MYO16: variants seen among roughly 807,000 people sequenced by gnomAD.
MYO16 encodes the protein unconventional myosin-XVI.
In MYO16, 94 loss-of-function variants were observed where a neutral mutation model predicts 205.3. The ratio of observed to expected loss-of-function variants is 0.46; its 90% confidence interval spans 0.39 to 0.54. The LOEUF is 0.54. Among genes scored for constraint, MYO16 ranks in the 20% least tolerant of loss-of-function variants. The pLI is 0.00. For missense variants in MYO16, 2,315 were observed against 2,387.5 expected (o/e 0.97, Z 0.63); for synonymous variants, 988 against 954.0 (o/e 1.04, Z -0.66).
intron 16 of MYO16, among the ~76,000 whole-genome samples, chr13:108,947,960 A>G (rs566111332): frequency 2.6e-5 from 4 of 152,332 alleles, no homozygotes; most frequent in Admixed American, 2.6e-4. Context: ...TCTCTTTCCA[A>G]ACAAAACAGT....
intron 1 of MYO16, among the ~76,000 whole-genome samples, chr13:108,663,399 C>T (rs1881589176): frequency 6.6e-6 from 1 of 151,878 alleles, no homozygotes; most frequent in South Asian, 2.1e-4. Flanking sequence ...CCCACTTGGA[C>T]TTAGATTAAA....
At chr13:108,843,151 G>A (rs937740106) in intron 9 of MYO16, among the ~76,000 whole-genome samples, 2 of 151,724 alleles carry the variant, frequency 1.3e-5, no homozygotes, top group Admixed American at 6.6e-5. Flanking sequence ...GTCATAAGAT[G>A]AGCAAATTTT....
chr13:109,020,031 C>A, intron 23 of MYO16, 120 bp downstream of exon 23: 2 of 913,346 alleles, frequency 2.2e-6, no homozygotes, highest in Non-Finnish European at 3.3e-6. Flanking sequence ...GCTGGATGAA[C>A]AACCCACAAC....
chr13:108,798,993 C>A (rs1886889411), intron 6 of MYO16, among the ~76,000 whole-genome samples: 1 of 149,182 alleles, frequency 6.7e-6, no homozygotes, highest in East Asian at 2.0e-4. Flanking sequence ...GCGTGAGCCA[C>A]CGCGCCCGGC....
At chr13:109,154,359 A>C (rs762275618) in intron 32 of MYO16, among the ~76,000 whole-genome samples, 3 of 152,114 alleles carry the variant, frequency 2.0e-5, no homozygotes, top group Non-Finnish European at 4.4e-5. Flanking sequence ...CCTTGGTGAA[A>C]TGTTGACACA....
Position 109,141,252 on chromosome 13 carries a change from G to T in MYO16, c.5040G>T (p.Ala1680=), listed in dbSNP as rs571697070. The change falls in exon 32 of 35, where the codon GCG becomes GCT. Residue 1680 remains alanine, a synonymous_variant. Coordinates refer to ENST00000457511, the MANE Select transcript of MYO16 (RefSeq NM_001198950.3). This position sits in a 1 kb window ranked among gnomAD's most constrained non-coding sequence, Gnocchi z 4.1. ...CCGGCTCCAGTGCCTCGCCCCCCGC[G>T]CCCTACAGCCCTCCCAGCTCCAGGC... ...RKAGSSASPP[A]PYSPPSSRPL... is the part of the protein sequence containing the mutation. 2 of 1,604,932 alleles carry T rather than the reference G, an allele frequency of 1.2e-6. No homozygotes were observed. Among genetic ancestry groups the T allele is most frequent in the Non-Finnish European group, 8.5e-7 (1 of 1,175,814 alleles).
At chr13:108,516,590 C>A in the MYO16 span, among the ~76,000 whole-genome samples, 1 of 152,142 alleles carries the variant, frequency 6.6e-6, no homozygotes, top group Admixed American at 6.5e-5. Context: ...TACAGGCACA[C>A]GTAACAAATT....
chr13:108,781,806 A>G (rs1156997910), intron 4 of MYO16, among the ~76,000 whole-genome samples: 1 of 152,106 alleles, frequency 6.6e-6, no homozygotes, highest in Non-Finnish European at 1.5e-5. Flanking sequence ...GATAGTGAAG[A>G]AGTCTCATGA....
chr13:109,162,841 C>A lies in MYO16; in HGVS notation c.5165-2060C>A, dbSNP rs2139871173. 6.6e-6 allele frequency among the ~76,000 whole-genome samples: 1 copy of A among 152,128 alleles called. No homozygotes were observed. The highest frequency in any genetic ancestry group is 1.9e-4 in the East Asian group (1 of 5,156). On this transcript the variant is annotated intron_variant, in intron 32 of 34. Transcript: ENST00000457511. The surrounding 1 kb of genome is among the most constrained non-coding windows in gnomAD (Gnocchi z 4.6). The stretch of plus-strand genomic sequence containing the variant: ...AACCTGTTTTACTGGCATTCGGAAG[C>A]TTAACAGAAATAAAAAAAAGCCAAA...
At chr13:109,084,682 AATT>A (rs1888383839) in intron 27 of MYO16, among the ~76,000 whole-genome samples, 1 of 152,018 alleles carries the variant, frequency 6.6e-6, no homozygotes, top group East Asian at 1.9e-4. Flanking sequence ...ATATTTAAGT[AATT>A]ATTAAAATTT....
intron 24 of MYO16, among the ~76,000 whole-genome samples, chr13:109,049,672 C>A (rs1887173689): frequency 6.6e-6 from 1 of 151,884 alleles, no homozygotes; most frequent in Non-Finnish European, 1.5e-5. Context: ...TGTTGCATTG[C>A]TTATCTGTGG....
intron 27 of MYO16, among the ~76,000 whole-genome samples, chr13:109,086,908 A>C (rs1254260434): frequency 6.6e-6 from 1 of 152,232 alleles, no homozygotes; most frequent in African/African-American, 2.4e-5. Flanking sequence ...TATCTGTTGC[A>C]TTTCATGGCT....
chr13:108,612,136 A>G (rs1218356741), intron 1 of MYO16, among the ~76,000 whole-genome samples: 1 of 152,144 alleles, frequency 6.6e-6, no homozygotes. Context: ...CTTTATGGAT[A>G]AGATATGAAC....
At chr13:108,576,814 T>C in the MYO16 span, among the ~76,000 whole-genome samples, 1 of 152,094 alleles carries the variant, frequency 6.6e-6, no homozygotes, top group African/African-American at 2.4e-5. Context: ...CAGGCTGGAG[T>C]GCAGTGGTGC....
the MYO16 span, among the ~76,000 whole-genome samples, chr13:108,528,020 C>T: frequency 6.6e-6 from 1 of 152,146 alleles, no homozygotes; most frequent in African/African-American, 2.4e-5. Context: ...AACCTGATTC[C>T]ATTCATTTTG....
At position 108,752,808 on chromosome 13, in the gene MYO16, A is replaced by ATCTTTTT. The variant is rs751233713; in HGVS notation, c.507+25226_507+25227insCTTTTTT. ...AGACACCTGCCACCGTGCCCAGCTAATTTTTTTTTTTTTTTTTTTTTTTTT... is the reference window on the plus strand; with the variant it reads ...AGACACCTGCCACCGTGCCCAGCTAATCTTTTTTTTTTTTTTTTTTTTTTTTTTTTTT... On this transcript the variant is annotated intron_variant, in intron 4 of 34. Transcript: ENST00000457511. Among the ~76,000 whole-genome samples, 380 of 90,518 alleles carry ATCTTTTT rather than the reference A, an allele frequency of 4.2e-3. 56 individuals carry two copies. The highest frequency in any genetic ancestry group is 6.8e-3 in the East Asian group (18 of 2,638). 59.4% of individuals were successfully genotyped at this position (90,518 alleles called of 152,430 possible). A position where few individuals can be genotyped will look rare whatever the true frequency, so the allele number is the denominator to read the frequency against.
rs1566377271 is a variant in MYO16, at chr13:108,866,171, T to G, written c.1360-6T>G. ...TCATGAACTGTTTGCATCCCTTTTT[T>G]CACAGACATTCATTGGAGACATTCT... On this transcript the variant is annotated splice_polypyrimidine_tract_variant and splice_region_variant and intron_variant, in intron 11 of 34. Transcript: ENST00000457511. 6.3e-7 allele frequency: 1 copy of G among 1,596,900 alleles called. No individual in the cohort carries two copies. The highest frequency in any genetic ancestry group is 1.7e-5 in the Admixed American group (1 of 58,774).
intron 10 of MYO16, among the ~76,000 whole-genome samples, chr13:108,852,573 G>A (rs952804057): frequency 6.6e-6 from 1 of 152,170 alleles, no homozygotes; most frequent in Non-Finnish European, 1.5e-5. Flanking sequence ...ATACGTGAAC[G>A]AGAACTCTGA....
In MYO16 at chr13:108,978,804, G is replaced by A. The variant is rs142474225; in HGVS notation, c.2370-13572G>A. On this transcript the variant is annotated intron_variant, in intron 20 of 34. Coordinates refer to ENST00000457511, the MANE Select transcript of MYO16 (RefSeq NM_001198950.3). ...TACTCCTTTAATGTCTGGTGAAATC[G>A]CCCTAAAATCTTCTGAGCATTTGAA... 1.3e-3 allele frequency among the ~76,000 whole-genome samples: 205 copies of A among 151,938 alleles called. 1 individual carries two copies. In the East Asian group the frequency reaches 0.027, roughly 20 times the overall value.
Sources: gnomAD v4.1 joint callset for allele counts (sites outside exome capture counted in the v4.1 genomes callset) on GRCh38, gnomAD v4.1.1 for gene constraint, Gnocchi (gnomAD v3.1) non-coding constraint, MANE v1.5 for transcripts, NCBI Gene and HGNC (gene_info 2026-07-23, HGNC 2026-07-21) for gene names.